The following ARF4 variants were observed in gnomAD, a reference collection of about 807,000 sequenced individuals.
The protein encoded by ARF4 is ARF GTPase 4.
In ARF4, 5 loss-of-function variants were observed where a neutral mutation model predicts 24.3. The ratio of observed to expected loss-of-function variants is 0.21; its 90% confidence interval spans 0.11 to 0.43. The LOEUF (loss-of-function observed/expected upper bound fraction) is 0.43, where lower values mean the gene tolerates loss of function less well. ARF4 is among the 20% of genes least tolerant of loss of function. The probability of loss-of-function intolerance (pLI) is 1.00; values close to 1 mark genes in which losing one functional copy is unlikely to be tolerated. For synonymous variants in ARF4, 62 were observed against 73.5 expected, an observed-to-expected ratio of 0.84 and a Z score of 0.80; for missense variants, 107 against 213.0, an observed-to-expected ratio of 0.50 and a Z score of 3.10.
chr3:57,596,943 C>G, intron 1 of ARF4, 131 bp downstream of exon 1: 2 of 940,478 alleles, frequency 2.1e-6, no homozygotes, highest in African/African-American at 1.7e-5. Context: ...CTTAAGAATT[C>G]CTTCCGACCC....
At chr3:57,578,297 G>C (rs189013807) in intron 3 of ARF4, among the ~76,000 whole-genome samples, 2 of 151,638 alleles carry the variant, frequency 1.3e-5, no homozygotes, top group Admixed American at 1.3e-4. Context: ...GCTCACTCCT[G>C]TAATCCCAGC....
intron 2 of ARF4, 65 bp from the exon 3 acceptor site, chr3:57,584,072 G>T: frequency 8.8e-7 from 1 of 1,137,056 alleles, no homozygotes; most frequent in Non-Finnish European, 1.3e-6. Flanking sequence ...TTTTATTGTG[G>T]AATTTTCTTA....
At chr3:57,591,588 T>C (rs1325324719) in intron 1 of ARF4, among the ~76,000 whole-genome samples, 1 of 151,914 alleles carries the variant, frequency 6.6e-6, no homozygotes, top group Non-Finnish European at 1.5e-5. Flanking sequence ...TGCCTCGGCC[T>C]CCTGAGTTGC....
Position 57,597,131 on chromosome 3 carries a change from T to C in ARF4, c.10A>G (p.Thr4Ala). ...AGTCGGGAGAAGAGGGAGGAGATAG[T>C]GAGGCCCATGGCGGTAGTGGCACTT... MGL[T>A]ISSLFSRLFG... The change falls in exon 1 of 6, where the codon ACT (threonine) becomes GCT (alanine). Residue 4 changes from threonine (T) to alanine (A), a missense_variant. Thr to Ala is a moderately conservative substitution (Grantham distance 58, BLOSUM62 0). Transcript: ENST00000303436. The C allele has an allele frequency of 6.2e-7, 1 of 1,614,030 alleles. No individual in the cohort carries two copies. The highest frequency in any genetic ancestry group is 8.5e-7 in the Non-Finnish European group (1 of 1,179,934).
At chr3:57,588,322 T>TG (rs1559786232) in intron 1 of ARF4, among the ~76,000 whole-genome samples, 2 of 152,294 alleles carry the variant, frequency 1.3e-5, no homozygotes, top group South Asian at 4.1e-4. Context: ...CCTAGCACTT[T>TG]GGGAGGCTGA....
chr3:57,577,972 G>A (rs184210613), intron 3 of ARF4, among the ~76,000 whole-genome samples: 13 of 152,002 alleles, frequency 8.6e-5, no homozygotes, highest in Admixed American at 6.6e-4. Context: ...GAGGAATCAC[G>A]AGCCCGAGAC....
rs1031403611 is a variant in ARF4 at position 57,573,032 on chromosome 3, C to T, written c.457-734G>A. Among the ~76,000 whole-genome samples, 14 of 151,938 alleles carry T rather than the reference C, an allele frequency of 9.2e-5. 1 individual carries two copies. The highest frequency in any genetic ancestry group is 3.4e-3 in the Middle Eastern group (1 of 294). On this transcript the variant is annotated intron_variant, in intron 5 of 5. Transcript: ENST00000303436. ...CCTGGCTAACGCAGTGAAACCCTGT[C>T]TCTACTAAAAATACAAAAAATTAGC...
chr3:57,589,570 T>G (rs1353997984), intron 1 of ARF4, among the ~76,000 whole-genome samples: 2 of 149,040 alleles, frequency 1.3e-5, no homozygotes, highest in Admixed American at 1.3e-4. Context: ...ATACAAAAAT[T>G]AGCTAGGCGT....
chr3:57,577,695 A>G (rs2069923232), intron 3 of ARF4, among the ~76,000 whole-genome samples: 1 of 152,124 alleles, frequency 6.6e-6, no homozygotes, highest in African/African-American at 2.4e-5. Context: ...TGCAGGTACC[A>G]AAATAGCCAC....
chr3:57,574,629 A>ACTCCTGGCCTCAAGCAATC (rs2069880919), intron 5 of ARF4, among the ~76,000 whole-genome samples: 1 of 151,606 alleles, frequency 6.6e-6, no homozygotes, highest in East Asian at 2.0e-4. Context: ...CTGGTTTGGA[A>ACTCCTGGCCTCAAGCAATC]CTCCTGGCCT....
chr3:57,583,816 C>A, intron 3 of ARF4, 82 bp downstream of exon 3: 1 of 944,312 alleles, frequency 1.1e-6, no homozygotes, highest in Non-Finnish European at 1.7e-6. Flanking sequence ...CACCAATATC[C>A]AAGTAAATAC....
intron 1 of ARF4, among the ~76,000 whole-genome samples, chr3:57,589,448 C>T (rs938732973): frequency 1.3e-5 from 2 of 151,678 alleles, no homozygotes; most frequent in African/African-American, 2.4e-5. Context: ...GGCCGGGCCC[C>T]GTGGCTCACA....
At chr3:57,575,809 T>C in intron 4 of ARF4, 136 bp from the exon 5 acceptor site, 1 of 979,338 alleles carries the variant, frequency 1.0e-6, no homozygotes, top group Non-Finnish European at 1.4e-6. Flanking sequence ...AGTTCACTCT[T>C]ACAACTGAAG....
chr3:57,590,451 A>C (rs2070098804), intron 1 of ARF4, among the ~76,000 whole-genome samples: 2 of 152,162 alleles, frequency 1.3e-5, no homozygotes. Context: ...GCGCCACTGC[A>C]CTCTAGCCTA....
intron 1 of ARF4, among the ~76,000 whole-genome samples, chr3:57,588,635 C>T (rs144674420): frequency 0.049 from 7,234 of 147,282 alleles, 241 homozygotes; most frequent in Non-Finnish European, 0.077. Context: ...GGGTGGATCA[C>T]CTGAAGTCAG....
intron 3 of ARF4, among the ~76,000 whole-genome samples, chr3:57,580,200 T>C (rs907363580): frequency 2.6e-5 from 4 of 152,286 alleles, no homozygotes; most frequent in African/African-American, 9.6e-5. Flanking sequence ...TTATATATAT[T>C]ATCTAATCCT....
intron 1 of ARF4, among the ~76,000 whole-genome samples, chr3:57,593,781 AC>A (rs2070142473): frequency 6.6e-6 from 1 of 152,166 alleles, no homozygotes; most frequent in African/African-American, 2.4e-5. Context: ...TCGCCCTGTA[AC>A]CCTAGCACTT....
intron 5 of ARF4, among the ~76,000 whole-genome samples, chr3:57,573,086 C>G (rs963049186): frequency 1.3e-5 from 2 of 151,460 alleles, no homozygotes; most frequent in Non-Finnish European, 2.9e-5. Context: ...CCTGTAGTCC[C>G]AGCTACTCAG....
At chr3:57,584,938 A>C (rs545325089) in intron 1 of ARF4, among the ~76,000 whole-genome samples, 60 of 152,166 alleles carry the variant, frequency 3.9e-4, no homozygotes, top group Admixed American at 3.3e-3. Context: ...ATCTCAGCTC[A>C]CTGTAACCTC....
Sources: allele counts gnomAD v4.1 joint callset (sites outside exome capture counted in the v4.1 genomes callset), GRCh38; gene constraint gnomAD v4.1.1; transcripts MANE v1.5; gene names NCBI Gene and HGNC (gene_info 2026-07-23, HGNC 2026-07-21).